The following RMDN2 variants were observed in gnomAD, a reference collection of about 807,000 sequenced individuals.
RMDN2 encodes the protein regulator of microtubule dynamics protein 2.
Under a neutral mutation model 52.8 loss-of-function variants are expected in RMDN2, and 61 were observed. That is an observed-to-expected ratio of 1.16 (90% confidence interval 0.94 to 1.43). RMDN2 has a LOEUF of 1.43. Among genes scored for constraint, RMDN2 ranks in the 40% most tolerant of loss-of-function variants. The pLI, the probability that RMDN2 is intolerant of heterozygous loss-of-function variation, is 0.00. For missense variants in RMDN2, 592 were observed against 475.3 expected (o/e 1.25, Z -2.28); for synonymous variants, 180 against 153.1 (o/e 1.18, Z -1.30).
intron 3 of RMDN2, chr2:37,974,581 A>C (rs1366327116): frequency 6.6e-6 from 1 of 152,350 alleles, no homozygotes; most frequent in Non-Finnish European, 1.5e-5. Context: ...TTGATTTTGC[A>C]GTGTTTAGTG....
intron 4 of RMDN2, among the ~76,000 whole-genome samples, chr2:37,977,113 A>C (rs1418375071): frequency 6.6e-6 from 1 of 152,212 alleles, no homozygotes; most frequent in Non-Finnish European, 1.5e-5. Flanking sequence ...CCCTTAATCC[A>C]TTTAACCCTT....
chr2:37,952,192 C>G (rs765843672), intron 2 of RMDN2: 1 of 1,613,066 alleles, frequency 6.2e-7, no homozygotes, highest in Non-Finnish European at 8.5e-7. Context: ...ATTGAAATTC[C>G]TAAAATAAGG....
chr2:37,929,545 A>C lies in RMDN2; in HGVS notation c.268A>C (p.Lys90Gln). Residue 90 changes from lysine to glutamine, a missense_variant, in exon 2 of 11, where the codon AAA becomes CAA. Transcript: ENST00000354545. ...NELLTNMEEL[K>Q]EEIRFLKEAI... ...ATTACTGACAAATATGGAAGAACTC[A>C]AAGAGGAAATCAGATTTCTTAAAGA... The C allele has an allele frequency of 1.3e-6, 2 of 1,551,872 alleles. No individual in the cohort carries two copies. The highest frequency in any genetic ancestry group is 1.7e-6 in the Non-Finnish European group (2 of 1,146,988).
At chr2:38,061,646 C>CACACAT (rs1553393407) in intron 10 of RMDN2, among the ~76,000 whole-genome samples, 1,698 of 149,910 alleles carry the variant, frequency 0.011, 30 homozygotes, top group African/African-American at 0.04. Context: ...CACACACACA[C>CACACAT]ACACACATAC....
intron 2 of RMDN2, chr2:37,950,505 C>G: frequency 6.2e-7 from 1 of 1,612,670 alleles, no homozygotes; most frequent in South Asian, 1.1e-5. Context: ...TGTTCCACCT[C>G]TACAGGGCAT....
downstream of RMDN2, among the ~76,000 whole-genome samples, chr2:38,018,892 A>ACGCACGCACACGCT (rs1679121524): frequency 6.6e-6 from 1 of 152,142 alleles, no homozygotes; most frequent in African/African-American, 2.4e-5. Flanking sequence ...ACGCACACGC[A>ACGCACGCACACGCT]CACACGCACA....
chr2:37,964,071 G>A (rs913395798), intron 2 of RMDN2, among the ~76,000 whole-genome samples: 23 of 151,732 alleles, frequency 1.5e-4, no homozygotes, highest in South Asian at 8.3e-4. Flanking sequence ...GGCGGCTGCC[G>A]GGCGGAGGCG....
intron 7 of RMDN2, among the ~76,000 whole-genome samples, chr2:37,992,683 A>G (rs531047442): frequency 6.6e-6 from 1 of 152,230 alleles, no homozygotes; most frequent in Non-Finnish European, 1.5e-5. Context: ...TAAATGATTG[A>G]TTCACTAAAA....
chr2:38,001,075 T>A (rs970188067), intron 8 of RMDN2, among the ~76,000 whole-genome samples: 1 of 152,196 alleles, frequency 6.6e-6, no homozygotes, highest in Non-Finnish European at 1.5e-5. Flanking sequence ...CCTGAGTCTG[T>A]ACTAGTGGCT....
At chr2:37,928,103 G>A (rs182750747) in intron 1 of RMDN2, among the ~76,000 whole-genome samples, 1 of 152,152 alleles carries the variant, frequency 6.6e-6, no homozygotes, top group Non-Finnish European at 1.5e-5. Context: ...TAACACCTGA[G>A]GTAATTTCTG....
chr2:37,991,288 CTGCTATACTGTAAGTTGAA>C lies in RMDN2; in HGVS notation c.940_945+13del. On this transcript the variant is annotated splice_donor_variant and splice_donor_5th_base_variant and coding_sequence_variant and intron_variant, in exon 7 of 11. Transcript: ENST00000354545. LOFTEE classifies it high-confidence loss of function. The stretch of plus-strand genomic sequence containing the variant: ...TTCTATATTACCTCAAAGGGAGATA[CTGCTATACTGTAAGTTGAA>C]TGCCTTTATTTATAAACTTTATTTG... 6.6e-7 allele frequency: 1 copy of C among 1,514,330 alleles called. No individual in the cohort carries two copies. Among genetic ancestry groups the C allele is most frequent in the South Asian group, 1.3e-5 (1 of 78,302 alleles). The allele number at this position is 1,514,330 out of a possible 1,614,324, so 93.8% of individuals were successfully genotyped here.
chr2:37,955,537 TC>T, intron 2 of RMDN2, among the ~76,000 whole-genome samples: 1 of 152,240 alleles, frequency 6.6e-6, no homozygotes, highest in Admixed American at 6.5e-5. Flanking sequence ...GAATTGTATC[TC>T]CCAGAATTCC....
intron 2 of RMDN2, among the ~76,000 whole-genome samples, chr2:37,932,498 A>G (rs1467291365): frequency 2.7e-5 from 4 of 150,266 alleles, no homozygotes; most frequent in South Asian, 2.1e-4. Flanking sequence ...CGATTTCTCA[A>G]TCTTTTCCCC....
intron 10 of RMDN2, among the ~76,000 whole-genome samples, chr2:38,066,108 A>C (rs1427518068): frequency 6.6e-6 from 1 of 152,232 alleles, no homozygotes; most frequent in African/African-American, 2.4e-5. Flanking sequence ...CTGGATGAGA[A>C]TACTTCTAAA....
Position 37,933,788 on chromosome 2 carries a change from A to C in RMDN2, c.452+4059A>C, listed in dbSNP as rs151015118. ...AAAGAGAGGGAGAGAGAGACCGTGG[A>C]AAGGGGAGAGGGAGAGGGAGAGAGG... On this transcript the variant is annotated intron_variant, in intron 2 of 10. Transcript: ENST00000354545. Among the ~76,000 whole-genome samples the C allele has an allele frequency of 5.0e-3, 642 of 128,026 alleles. 7 individuals are homozygous for C. Among genetic ancestry groups the C allele is most frequent in the African/African-American group, 0.017 (588 of 35,002 alleles). 84.0% of individuals were successfully genotyped at this position (128,026 alleles called of 152,430 possible). A position where few individuals can be genotyped will look rare whatever the true frequency, so the allele number is the denominator to read the frequency against.
In RMDN2 at chr2:37,991,324, C is replaced by G. The variant is rs75818998; in HGVS notation, c.945+27C>G. The G allele has an allele frequency of 9.4e-4, 1,124 of 1,194,634 alleles. 17 individuals are homozygous for G. In the East Asian group the frequency reaches 0.023, roughly 25 times the overall value. 74.0% of individuals were successfully genotyped at this position (1,194,634 alleles called of 1,614,324 possible). On this transcript the variant is annotated intron_variant, in intron 7 of 10. Coordinates refer to ENST00000354545, the MANE Select transcript of RMDN2 (RefSeq NM_001170791.3). ...TAAGTTGAATGCCTTTATTTATAAACTTTATTTGAATATACTATGATTATA... is the reference window on the plus strand; with the variant it reads ...TAAGTTGAATGCCTTTATTTATAAAGTTTATTTGAATATACTATGATTATA...
At chr2:37,990,034 T>TCC (rs1259891406) in intron 6 of RMDN2, among the ~76,000 whole-genome samples, 1 of 150,060 alleles carries the variant, frequency 6.7e-6, no homozygotes, top group Admixed American at 6.7e-5. Flanking sequence ...TCCCAGCTAC[T>TCC]CAGGAGGCTG....
intron 10 of RMDN2, among the ~76,000 whole-genome samples, chr2:38,022,791 T>C: frequency 6.6e-6 from 1 of 152,216 alleles, no homozygotes; most frequent in Non-Finnish European, 1.5e-5. Context: ...TTTATACTTT[T>C]CGATTTCAAA....
chr2:37,952,923 T>C (rs1669022616), intron 2 of RMDN2: 1 of 151,970 alleles, frequency 6.6e-6, no homozygotes, highest in African/African-American at 2.4e-5. Context: ...TTCATTTTTT[T>C]CCGATTGTAT....
Sources: gnomAD v4.1 joint callset for allele counts (sites outside exome capture counted in the v4.1 genomes callset) on GRCh38, gnomAD v4.1.1 for gene constraint, MANE v1.5 for transcripts, NCBI Gene and HGNC (gene_info 2026-07-23, HGNC 2026-07-21) for gene names.